Variants in GFM1 observed in about 807,000 individuals in gnomAD.
GFM1 encodes elongation factor G, mitochondrial.
A neutral mutation model predicts 96.2 loss-of-function variants in GFM1; 62 were observed. The observed-to-expected ratio is 0.64, with a 90% CI of 0.53 to 0.80. The LOEUF is 0.80. Ranked by LOEUF, GFM1 falls within the 30% of genes least tolerant of loss-of-function variation. The pLI, the probability that GFM1 is intolerant of heterozygous loss-of-function variation, is 0.00. For synonymous variants in GFM1, 282 were observed against 312.9 expected (o/e 0.90, Z 1.04); for missense variants, 852 against 916.6 (o/e 0.93, Z 0.91).
rs776827334 is a variant in GFM1 at position 158,645,785 on chromosome 3, T to C, written c.234+4T>C. The C allele has an allele frequency of 6.8e-6, 11 of 1,607,264 alleles. 1 individual carries two copies. In the Admixed American group the frequency reaches 1.2e-4, roughly 17 times the overall value. On this transcript the variant is annotated splice_donor_region_variant and intron_variant, in intron 2 of 17. Coordinates refer to ENST00000486715, the MANE Select transcript of GFM1 (RefSeq NM_024996.7). ...CAGAATTGCAAAGATGCATGAGGTA[T>C]ATATTCACGGTTGATTCCGGATTAA...
Position 158,665,576 on chromosome 3 carries a change from T to C in GFM1, c.1518+102T>C, listed in dbSNP as rs1723596909. On this transcript the variant is annotated intron_variant, in intron 12 of 17. Coordinates refer to ENST00000486715, the MANE Select transcript of GFM1 (RefSeq NM_024996.7). ...TAATGTCTGTAACTAACTCTGGTTC[T>C]TCATGCGTCACTCTGGTTTGTATCC... 3.1e-6 allele frequency: 3 copies of C among 980,884 alleles called. No homozygotes were observed. In the Admixed American group the frequency reaches 5.6e-5, roughly 18 times the overall value. 60.8% of individuals were successfully genotyped at this position (980,884 alleles called of 1,614,324 possible). A position where few individuals can be genotyped will look rare whatever the true frequency, so the allele number is the denominator to read the frequency against.
At chr3:158,659,417 G>A (rs1723016112) in intron 9 of GFM1, among the ~76,000 whole-genome samples, 1 of 152,176 alleles carries the variant, frequency 6.6e-6, no homozygotes, top group African/African-American at 2.4e-5. Flanking sequence ...GATTCTTAAA[G>A]ATAAGAGAAT....
chr3:158,678,189 G>A (rs1725063110), intron 13 of GFM1, among the ~76,000 whole-genome samples: 1 of 152,162 alleles, frequency 6.6e-6, no homozygotes, highest in African/African-American at 2.4e-5. Flanking sequence ...CTCTGATGGA[G>A]ATGTACAAAG....
At chr3:158,666,463 T>C (rs372262936) in intron 13 of GFM1, 77 bp downstream of exon 13, 4 of 1,276,740 alleles carry the variant, frequency 3.1e-6, no homozygotes, top group East Asian at 4.6e-5. Context: ...CCACTATTAC[T>C]GTTTTAAAGA....
intron 9 of GFM1, 169 bp from the exon 10 acceptor site, chr3:158,660,705 C>T (rs1318902035): frequency 6.3e-6 from 4 of 639,686 alleles, no homozygotes; most frequent in East Asian, 5.5e-5. Flanking sequence ...TACGTCTTAG[C>T]ATGGTTGATT....
At chr3:158,663,049 T>C (rs1228353274) in intron 11 of GFM1, among the ~76,000 whole-genome samples, 5 of 152,198 alleles carry the variant, frequency 3.3e-5, no homozygotes, top group Non-Finnish European at 7.4e-5. Context: ...CTTTAGAATG[T>C]TGAACTGATT....
chr3:158,677,836 C>T (rs1454504347), intron 13 of GFM1, among the ~76,000 whole-genome samples: 1 of 152,136 alleles, frequency 6.6e-6, no homozygotes, highest in Non-Finnish European at 1.5e-5. Flanking sequence ...ATGAAACATC[C>T]TTCTTTTGGA....
intron 15 of GFM1, among the ~76,000 whole-genome samples, chr3:158,686,474 G>C (rs943957529): frequency 1.3e-5 from 2 of 149,406 alleles, no homozygotes; most frequent in African/African-American, 4.9e-5. Flanking sequence ...ATGGCAGGGT[G>C]AGTCAGGTTT....
intron 13 of GFM1, among the ~76,000 whole-genome samples, chr3:158,675,310 A>AAAAAAAAAAAAAAAAAGG (rs370161147): frequency 8.8e-6 from 1 of 114,046 alleles, no homozygotes; most frequent in Admixed American, 1.0e-4. Context: ...AAAAAAAAAA[A>AAAAAAAAAAAAAAAAAGG]CAAGTTTTCA....
At chr3:158,657,697 A>G (rs894888146) in intron 8 of GFM1, among the ~76,000 whole-genome samples, 2 of 151,918 alleles carry the variant, frequency 1.3e-5, no homozygotes, top group Non-Finnish European at 2.9e-5. Context: ...AATTTGTTTT[A>G]GTGGGTAGGA....
At chr3:158,686,481 G>A (rs1461534620) in intron 15 of GFM1, among the ~76,000 whole-genome samples, 1 of 149,672 alleles carries the variant, frequency 6.7e-6, no homozygotes, top group African/African-American at 2.4e-5. Context: ...GGTGAGTCAG[G>A]TTTGGAGCTT....
Position 158,654,571 on chromosome 3 carries a change from C to T in GFM1, c.1023C>T (p.Ile341=). ...GTGACTCAAAAGAGAAAACCAAAAT[C>T]CTAATGAACTCCAGTAGAGACAATT... ...KEDDSKEKTK[I]LMNSSRDNSH... Residue 341 remains isoleucine, a synonymous_variant, in exon 8 of 18, where the codon ATC becomes ATT. Coordinates refer to ENST00000486715, the MANE Select transcript of GFM1 (RefSeq NM_024996.7). 2 of 1,611,596 alleles carry T rather than the reference C, an allele frequency of 1.2e-6. No homozygotes were observed. Among genetic ancestry groups the T allele is most frequent in the East Asian group, 2.2e-5 (1 of 44,792 alleles).
At chr3:158,678,724 A>T (rs1560142276) in intron 13 of GFM1, among the ~76,000 whole-genome samples, 1 of 152,196 alleles carries the variant, frequency 6.6e-6, no homozygotes, top group African/African-American at 2.4e-5. Context: ...AACCTGGTTG[A>T]TAAAGCAGTG....
At chr3:158,690,876 G>A (rs1726255485) in intron 16 of GFM1, among the ~76,000 whole-genome samples, 3 of 152,198 alleles carry the variant, frequency 2.0e-5, no homozygotes, top group Non-Finnish European at 2.9e-5. Context: ...GTGGGGATGA[G>A]GAGGGAAGGC....
intron 13 of GFM1, among the ~76,000 whole-genome samples, chr3:158,668,219 G>T (rs1723904607): frequency 6.6e-6 from 1 of 152,100 alleles, no homozygotes. Flanking sequence ...TGTAGTATTT[G>T]CGTATAACCT....
intron 13 of GFM1, chr3:158,672,247 G>C (rs1010979854): frequency 2.1e-6 from 3 of 1,420,800 alleles, no homozygotes; most frequent in Non-Finnish European, 2.9e-6. Context: ...AAGGTGGGTA[G>C]GGGGTGGCAC....
At position 158,666,380 on chromosome 3, in the gene GFM1, CT is replaced by C. The variant is rs761095873; in HGVS notation, c.1596del (p.Val533SerfsTer20). ...KVAFRETITA[P>X]VPFDFTHKKQ... Reference sequence around the variant, plus strand: ...GCCTTTCGAGAGACCATTACTGCCCCTGTCCCGTAAGTATGCAACGTAATTA... The same window carrying C: ...GCCTTTCGAGAGACCATTACTGCCCCGTCCCGTAAGTATGCAACGTAATTA... On this transcript the variant is annotated frameshift_variant, in exon 13 of 18. Transcript: ENST00000486715. LOFTEE classifies it high-confidence loss of function. 4.3e-6 allele frequency: 7 copies of C among 1,612,628 alleles called. No individual in the cohort carries two copies. The highest frequency in any genetic ancestry group is 4.5e-5 in the East Asian group (2 of 44,866).
intron 5 of GFM1, chr3:158,651,020 C>CAAAAAAAAAAAAAAAA (rs772054819): frequency 2.0e-5 from 1 of 49,442 alleles, no homozygotes; most frequent in Admixed American, 2.7e-4. Flanking sequence ...GACTCCGTCT[C>CAAAAAAAAAAAAAAAA]AAAAAAAAAA....
At chr3:158,670,102 T>G (rs1724134858) in intron 13 of GFM1, among the ~76,000 whole-genome samples, 1 of 152,216 alleles carries the variant, frequency 6.6e-6, no homozygotes. Flanking sequence ...CTCAGATGCC[T>G]TTTAATGAAT....
Sources: gnomAD v4.1 joint callset for allele counts (sites outside exome capture counted in the v4.1 genomes callset) on GRCh38, gnomAD v4.1.1 for gene constraint, MANE v1.5 for transcripts, NCBI Gene and HGNC (gene_info 2026-07-23, HGNC 2026-07-21) for gene names.